Variants in MARCHF1 observed in about 807,000 individuals in gnomAD.
The protein encoded by MARCHF1 is membrane associated ring-CH-type finger 1, also known as E3 ubiquitin-protein ligase MARCHF1.
Under a neutral mutation model 54.2 loss-of-function variants are expected in MARCHF1, and 40 were observed. The ratio of observed to expected loss-of-function variants is 0.74; its 90% confidence interval spans 0.57 to 0.96. The LOEUF (loss-of-function observed/expected upper bound fraction) is 0.96. MARCHF1 is among the 40% of genes least tolerant of loss of function. The pLI is 0.00. For synonymous variants in MARCHF1, 236 were observed against 236.3 expected, an observed-to-expected ratio of 1.00 and a Z score of 0.01; for missense variants, 586 against 656.5, an observed-to-expected ratio of 0.89 and a Z score of 1.17.
chr4:163,678,922 GT>G (rs1314943842), intron 5 of MARCHF1, among the ~76,000 whole-genome samples: 1 of 152,226 alleles, frequency 6.6e-6, no homozygotes, highest in South Asian at 2.1e-4. Context: ...TTATTTGATG[GT>G]TTTAAGCAAC....
At chr4:163,855,973 C>T (rs1247495174) in intron 3 of MARCHF1, among the ~76,000 whole-genome samples, 1 of 152,114 alleles carries the variant, frequency 6.6e-6, no homozygotes, top group East Asian at 1.9e-4. Context: ...TTCAGTGCAT[C>T]GATCTATTCT....
At chr4:163,549,985 A>G (rs938132208) in intron 8 of MARCHF1, among the ~76,000 whole-genome samples, 15 of 152,224 alleles carry the variant, frequency 9.9e-5, no homozygotes, top group Admixed American at 5.2e-4. Flanking sequence ...GTTTATTTGT[A>G]TAACATAAAA....
chr4:164,095,747 A>C (rs1755397433), intron 2 of MARCHF1, among the ~76,000 whole-genome samples: 1 of 152,128 alleles, frequency 6.6e-6, no homozygotes, highest in African/African-American at 2.4e-5. Context: ...TAAATTTAAA[A>C]TTTGTGCCTC....
chr4:163,662,445 T>C (rs1743374490), intron 5 of MARCHF1, among the ~76,000 whole-genome samples: 2 of 151,980 alleles, frequency 1.3e-5, no homozygotes, highest in South Asian at 4.1e-4. Context: ...TTTCTTTTCC[T>C]TTTTTCCCCC....
intron 4 of MARCHF1, among the ~76,000 whole-genome samples, chr4:163,749,299 T>C (rs1465109843): frequency 1.3e-5 from 2 of 152,146 alleles, no homozygotes; most frequent in Non-Finnish European, 2.9e-5. Flanking sequence ...TTGCTTTTTT[T>C]TTCTGTTTTT....
chr4:164,078,661 T>C (rs1426819444), intron 2 of MARCHF1, among the ~76,000 whole-genome samples: 2 of 152,206 alleles, frequency 1.3e-5, no homozygotes, highest in African/African-American at 4.8e-5. Context: ...TACATAGAAC[T>C]TCTAGAAATA....
At chr4:164,221,340 A>C (rs1387840047) in intron 1 of MARCHF1, among the ~76,000 whole-genome samples, 3 of 152,172 alleles carry the variant, frequency 2.0e-5, no homozygotes, top group Non-Finnish European at 4.4e-5. Flanking sequence ...TTAAATAAGA[A>C]ATTACACAAA....
At chr4:164,047,525 C>T (rs890150011) in intron 2 of MARCHF1, among the ~76,000 whole-genome samples, 7 of 152,194 alleles carry the variant, frequency 4.6e-5, no homozygotes, top group East Asian at 3.8e-4. Flanking sequence ...AGAAAGCCAA[C>T]GCAGTGACCT....
chr4:163,693,443 A>G (rs1195275785), intron 5 of MARCHF1, among the ~76,000 whole-genome samples: 1 of 151,404 alleles, frequency 6.6e-6, no homozygotes, highest in African/African-American at 2.4e-5. Flanking sequence ...TGGGGCCTAG[A>G]ATGATAGAAG....
At chr4:164,165,229 C>T (rs1030654129) in intron 1 of MARCHF1, among the ~76,000 whole-genome samples, 1 of 151,738 alleles carries the variant, frequency 6.6e-6, no homozygotes, top group African/African-American at 2.4e-5. Flanking sequence ...AAGTCCCAAC[C>T]CCCAATGTGA....
At chr4:164,076,860 T>C (rs116221991) in intron 2 of MARCHF1, among the ~76,000 whole-genome samples, 2,797 of 152,106 alleles carry the variant, frequency 0.018, 74 homozygotes, top group African/African-American at 0.063. Flanking sequence ...GAGCTACAAA[T>C]CACTGTTCAA....
chr4:164,256,061 T>C (rs1733270912), intron 1 of MARCHF1, among the ~76,000 whole-genome samples: 1 of 151,896 alleles, frequency 6.6e-6, no homozygotes, highest in Non-Finnish European at 1.5e-5. Flanking sequence ...GAGGCCAAGG[T>C]GGGAGGATTG....
At chr4:164,086,794 T>C (rs538113192) in intron 2 of MARCHF1, among the ~76,000 whole-genome samples, 2 of 152,222 alleles carry the variant, frequency 1.3e-5, no homozygotes, top group Admixed American at 6.5e-5. Flanking sequence ...ATTATGAATG[T>C]GGACAGAATT....
intron 1 of MARCHF1, among the ~76,000 whole-genome samples, chr4:164,282,934 C>G (rs929105288): frequency 6.6e-6 from 1 of 151,114 alleles, no homozygotes; most frequent in African/African-American, 2.4e-5. Context: ...TGACTCTGAC[C>G]CTACTTGCAT....
intron 3 of MARCHF1, among the ~76,000 whole-genome samples, chr4:163,962,184 T>G (rs1369258489): frequency 6.6e-6 from 1 of 151,986 alleles, no homozygotes; most frequent in Non-Finnish European, 1.5e-5. Flanking sequence ...TTGGGAGATT[T>G]TCCATTGGAA....
intron 5 of MARCHF1, among the ~76,000 whole-genome samples, chr4:163,681,294 T>C (rs17044025): frequency 0.024 from 3,705 of 152,214 alleles, 165 homozygotes; most frequent in African/African-American, 0.083. Flanking sequence ...TAACGTGTGG[T>C]TGGGAGAATG....
intron 1 of MARCHF1, among the ~76,000 whole-genome samples, chr4:164,203,600 A>G (rs1579620916): frequency 1.3e-5 from 2 of 152,202 alleles, no homozygotes; most frequent in East Asian, 1.9e-4. Context: ...TAATTTTACT[A>G]CCCTCACCCT....
At chr4:163,616,987 T>G (rs1560976620) in intron 5 of MARCHF1, among the ~76,000 whole-genome samples, 2 of 152,076 alleles carry the variant, frequency 1.3e-5, no homozygotes, top group Non-Finnish European at 2.9e-5. Context: ...TTATTCACAA[T>G]AGATATAGAC....
chr4:163,598,507 A>G (rs1014620568), intron 7 of MARCHF1, among the ~76,000 whole-genome samples: 4 of 152,238 alleles, frequency 2.6e-5, no homozygotes, highest in Non-Finnish European at 4.4e-5. Flanking sequence ...CCTAGTCTGT[A>G]TGGTAGAGCC....
Sources: allele counts gnomAD v4.1 joint callset (sites outside exome capture counted in the v4.1 genomes callset), GRCh38; gene constraint gnomAD v4.1.1; transcripts MANE v1.5; gene names NCBI Gene and HGNC (gene_info 2026-07-23, HGNC 2026-07-21).